The following OTUD7B variants were observed in gnomAD, a reference collection of about 807,000 sequenced individuals.
The protein encoded by OTUD7B is OTU domain-containing protein 7B.
Under a neutral mutation model 82.2 loss-of-function variants are expected in OTUD7B, and 34 were observed. That is an observed-to-expected ratio of 0.41 (90% CI 0.31 to 0.55). OTUD7B has a LOEUF of 0.55. OTUD7B is among the 20% of genes least tolerant of loss of function. OTUD7B has a pLI of 0.20. For missense variants in OTUD7B, 944 were observed against 1,062.1 expected, an observed-to-expected ratio of 0.89 and a Z score of 1.55; for synonymous variants, 398 against 402.7, an observed-to-expected ratio of 0.99 and a Z score of 0.14.
chr1:150,053,868 A>T, the OTUD7B span: 2 of 332,954 alleles, frequency 6.0e-6, no homozygotes, highest in Non-Finnish European at 1.1e-5. Flanking sequence ...TACAAGATGG[A>T]GGGTGAACAA....
In OTUD7B at chr1:149,957,999, C is replaced by T. The variant is rs367846512; in HGVS notation, c.845+1685G>A. 5.3e-5 allele frequency among the ~76,000 whole-genome samples: 8 copies of T among 152,322 alleles called. No individual in the cohort carries two copies. The South Asian group carries it at 8.3e-4, about 16-fold the overall frequency. ...TTGTGCTTCCCAGGTGAGGCAATGC[C>T]CCGCCCTGCTTCGGCTCACGCTCCG... On this transcript the variant is annotated intron_variant, in intron 7 of 11. Coordinates refer to ENST00000581312, the MANE Select transcript of OTUD7B (RefSeq NM_020205.4).
intron 11 of OTUD7B, among the ~76,000 whole-genome samples, chr1:149,945,666 C>T (rs1213293877): frequency 2.0e-5 from 3 of 152,170 alleles, no homozygotes; most frequent in African/African-American, 7.2e-5. Context: ...CTTTAAGCTA[C>T]TCCGTCTCCT....
Position 149,944,307 on chromosome 1 carries a change from C to T in OTUD7B, c.2082G>A (p.Gly694=), listed in dbSNP as rs1647513269. The change falls in exon 12 of 12, where the codon GGG becomes GGA. Residue 694 remains glycine (G), a synonymous_variant. Transcript: ENST00000581312. ...RAMAFSTGYP[G]DFTIPRPSGG... is the part of the protein sequence containing the mutation. ...CAGACGGCCGAGGGATAGTAAAGTC[C>T]CCAGGGTAGCCAGTGGAAAATGCCA... 1 of 1,610,740 alleles carries T rather than the reference C, an allele frequency of 6.2e-7. No individual in the cohort carries two copies. Among genetic ancestry groups the T allele is most frequent in the Admixed American group, 1.7e-5 (1 of 59,826 alleles).
At chr1:150,016,597 C>T in the OTUD7B span, among the ~76,000 whole-genome samples, 2 of 151,860 alleles carry the variant, frequency 1.3e-5, no homozygotes, top group African/African-American at 4.8e-5. Flanking sequence ...GGATTAGAGG[C>T]ACCCACCACC....
chr1:149,993,727 AAGC>A (rs1651748224), intron 1 of OTUD7B, among the ~76,000 whole-genome samples: 1 of 152,220 alleles, frequency 6.6e-6, no homozygotes, highest in African/African-American at 2.4e-5. Context: ...CTGGGAAAAC[AAGC>A]AGATACTGAT....
chr1:150,042,117 C>CCCTA, the OTUD7B span, among the ~76,000 whole-genome samples: 1 of 82,714 alleles, frequency 1.2e-5, no homozygotes, highest in Non-Finnish European at 2.6e-5. Context: ...CTCCCTCCCT[C>CCCTA]CCTCCCTCCC....
At chr1:150,045,095 T>A in the OTUD7B span, among the ~76,000 whole-genome samples, 45 of 682 alleles carry the variant, frequency 0.066, 1 homozygote, top group African/African-American at 0.14. Flanking sequence ...TTAAACTAAA[T>A]TTTTTTTTTT....
chr1:150,064,408 A>T, the OTUD7B span, among the ~76,000 whole-genome samples: 1 of 149,216 alleles, frequency 6.7e-6, no homozygotes, highest in Admixed American at 6.7e-5. Context: ...GCAGAGTCTC[A>T]CTCTGTTGCC....
At chr1:149,955,343 T>C (rs2101769541) in intron 7 of OTUD7B, among the ~76,000 whole-genome samples, 1 of 152,352 alleles carries the variant, frequency 6.6e-6, no homozygotes, top group East Asian at 1.9e-4. Flanking sequence ...TCCATGTAGT[T>C]GAGCAGTTCT....
At chr1:149,976,354 A>C (rs1650306995) in intron 2 of OTUD7B, among the ~76,000 whole-genome samples, 1 of 151,750 alleles carries the variant, frequency 6.6e-6, no homozygotes, top group East Asian at 1.9e-4. Context: ...TCATGCCTGA[A>C]ATCCCAGCAC....
Position 149,938,631 on chromosome 1 carries a change from TA to T in OTUD7B, c.*5225del, listed in dbSNP as rs2092742243. 6.9e-6 allele frequency: 1 copy of T among 145,824 alleles called. No homozygotes were observed. The highest frequency in any genetic ancestry group is 2.2e-4 in the South Asian group (1 of 4,604). The allele number at this position is 145,824 out of a possible 1,614,324, so 9.0% of individuals were successfully genotyped here. The stretch of plus-strand genomic sequence containing the variant: ...AACACGGAGAAAAAAAATCGGGGGG[TA>T]GGGGTGTGGTGGCTCATGCCTGTAA... On this transcript the variant is annotated 3_prime_UTR_variant, in exon 12 of 12. Coordinates refer to ENST00000581312, the MANE Select transcript of OTUD7B (RefSeq NM_020205.4).
chr1:150,034,972 G>A, the OTUD7B span, among the ~76,000 whole-genome samples: 3 of 151,702 alleles, frequency 2.0e-5, no homozygotes, highest in Non-Finnish European at 2.9e-5. Flanking sequence ...ATGAAACCCC[G>A]TTTCAACTAA....
the OTUD7B span, among the ~76,000 whole-genome samples, chr1:150,040,464 A>T: frequency 1.3e-5 from 2 of 152,206 alleles, no homozygotes; most frequent in Non-Finnish European, 2.9e-5. Context: ...CTGTTGTTGA[A>T]TTAAAATTGC....
chr1:149,983,606 G>A (rs1192080879), intron 1 of OTUD7B, among the ~76,000 whole-genome samples: 2 of 152,002 alleles, frequency 1.3e-5, no homozygotes, highest in African/African-American at 4.8e-5. Flanking sequence ...GGAAACATGC[G>A]CTAAACTTCC....
chr1:149,956,576 G>A (rs138952571), intron 7 of OTUD7B, among the ~76,000 whole-genome samples: 21 of 152,206 alleles, frequency 1.4e-4, no homozygotes, highest in African/African-American at 2.2e-4. Context: ...TTTGAATGTC[G>A]GCCTGCCTTG....
In OTUD7B at chr1:150,000,876, G is replaced by A. The variant is rs1559865858; in HGVS notation, c.-67+9572C>T. ...CACCTGTAATCCCAGCTGCTCGGGA[G>A]GCTGAGGCAAGAGAATCGCTTGAAC... On this transcript the variant is annotated intron_variant, in intron 1 of 11. Transcript: ENST00000581312. Among the ~76,000 whole-genome samples, 3 of 152,114 alleles carry A rather than the reference G, an allele frequency of 2.0e-5. 1 individual carries two copies. In the South Asian group the frequency reaches 6.2e-4, roughly 32 times the overall value.
In OTUD7B at chr1:150,007,393, C is replaced by A. The variant is rs1301599293; in HGVS notation, c.-67+3055G>T. Among the ~76,000 whole-genome samples, 6 of 152,308 alleles carry A rather than the reference C, an allele frequency of 3.9e-5. No homozygotes were observed. The South Asian group carries it at 6.2e-4, about 16-fold the overall frequency. On this transcript the variant is annotated intron_variant, in intron 1 of 11. Coordinates refer to ENST00000581312, the MANE Select transcript of OTUD7B (RefSeq NM_020205.4). Reference sequence around the variant, plus strand: ...TTTCAAAATTTACTGACTCAGAAATCTCCCCAATTTATTTCACTGATTCTT... The same window carrying A: ...TTTCAAAATTTACTGACTCAGAAATATCCCCAATTTATTTCACTGATTCTT...
intron 6 of OTUD7B, chr1:149,962,602 G>A (rs1405687966): frequency 6.6e-6 from 1 of 152,162 alleles, no homozygotes; most frequent in Non-Finnish European, 1.5e-5. Context: ...GATAGAACGT[G>A]GGTATTTCTG....
intron 1 of OTUD7B, among the ~76,000 whole-genome samples, chr1:149,992,736 T>C (rs1553782430): frequency 1.3e-5 from 2 of 152,098 alleles, no homozygotes; most frequent in African/African-American, 4.8e-5. Flanking sequence ...TCTCCCAAAG[T>C]GCTGGGATTG....
Sources: allele counts gnomAD v4.1 joint callset (sites outside exome capture counted in the v4.1 genomes callset), GRCh38; gene constraint gnomAD v4.1.1; transcripts MANE v1.5; gene names NCBI Gene and HGNC (gene_info 2026-07-23, HGNC 2026-07-21).